Variants in TIE1 observed in about 807,000 individuals in gnomAD.
The protein encoded by TIE1 is tyrosine-protein kinase receptor Tie-1.
Under a neutral mutation model 130.5 loss-of-function variants are expected in TIE1, and 89 were observed. That is an observed-to-expected ratio of 0.68 (90% CI 0.57 to 0.81). TIE1 has a LOEUF of 0.81. TIE1 is among the 40% of genes least tolerant of loss of function. TIE1 has a pLI of 0.00. For missense variants in TIE1, 1,392 were observed against 1,559.8 expected, an observed-to-expected ratio of 0.89 and a Z score of 1.81; for synonymous variants, 568 against 629.4, an observed-to-expected ratio of 0.90 and a Z score of 1.46.
intron 19 of TIE1, 96 bp from the exon 20 acceptor site, chr1:43,321,173 C>T (rs1444310382): frequency 3.7e-5 from 48 of 1,283,872 alleles, no homozygotes; most frequent in South Asian, 3.7e-4. Context: ...ACACATACAG[C>T]GGGGCTGGGA....
At position 43,319,167 on chromosome 1, in the gene TIE1, C is replaced by T. The variant is rs1054199975; in HGVS notation, c.2923-68C>T. On this transcript the variant is annotated intron_variant, in intron 17 of 22. Transcript: ENST00000372476. The surrounding 1 kb of genome is among the most constrained non-coding windows in gnomAD (Gnocchi z 4.7). ...ACAAGGGTACCCACGAAGACTGACT[C>T]CTTACTGGCCTGACTGTCCTGGGCT... 1.7e-6 allele frequency: 2 copies of T among 1,178,672 alleles called. No individual in the cohort carries two copies. The highest frequency in any genetic ancestry group is 2.6e-6 in the Non-Finnish European group (2 of 784,162). 73.0% of individuals were successfully genotyped at this position (1,178,672 alleles called of 1,614,324 possible).
Position 43,307,319 on chromosome 1 carries a change from C to A in TIE1, c.772+46C>A, listed in dbSNP as rs1378250936. 1 of 1,613,646 alleles carries A rather than the reference C, an allele frequency of 6.2e-7. No individual in the cohort carries two copies. Among genetic ancestry groups the A allele is most frequent in the Non-Finnish European group, 8.5e-7 (1 of 1,179,870 alleles). On this transcript the variant is annotated intron_variant, in intron 5 of 22. Transcript: ENST00000372476. This position sits in a 1 kb window ranked among gnomAD's most constrained non-coding sequence, Gnocchi z 5.4. ...GACCCAGGCAGGAGAGGATCCCTGACTGGGAGAAGACCCTAGAACCATGTG... is the reference window on the plus strand; with the variant it reads ...GACCCAGGCAGGAGAGGATCCCTGAATGGGAGAAGACCCTAGAACCATGTG...
chr1:43,309,366 C>A lies in TIE1; in HGVS notation c.1189-22C>A. On this transcript the variant is annotated intron_variant, in intron 8 of 22. Coordinates refer to ENST00000372476, the MANE Select transcript of TIE1 (RefSeq NM_005424.5). The surrounding 1 kb of genome is among the most constrained non-coding windows in gnomAD (Gnocchi z 6.3). ...GAGGTGCCCGTTCCCTGTGACCTGT[C>A]CCCTTCCCCCATCTCTTTTAGTCCA... 6.4e-7 allele frequency: 1 copy of A among 1,567,846 alleles called. No individual in the cohort carries two copies. Among genetic ancestry groups the A allele is most frequent in the Non-Finnish European group, 8.6e-7 (1 of 1,159,804 alleles).
In TIE1 at chr1:43,307,588, C is replaced by A. The variant is rs1243189429; in HGVS notation, c.913+16C>A. ...TGCCAAGAAGGTATGCCTAACCTAC[C>A]CTCATGGTCCCTGACCAAGACAGCT... On this transcript the variant is annotated intron_variant, in intron 6 of 22. Transcript: ENST00000372476. This position sits in a 1 kb window ranked among gnomAD's most constrained non-coding sequence, Gnocchi z 5.4. The A allele has an allele frequency of 1.2e-6, 2 of 1,613,924 alleles. No homozygotes were observed. Among genetic ancestry groups the A allele is most frequent in the Admixed American group, 1.7e-5 (1 of 60,026 alleles).
At position 43,313,362 on chromosome 1, in the gene TIE1, C is replaced by A. The variant is rs376014176; in HGVS notation, c.2155C>A (p.Arg719=). The change falls in exon 13 of 23, where the codon CGG becomes AGG. Residue 719 remains arginine, a synonymous_variant. Coordinates refer to ENST00000372476, the MANE Select transcript of TIE1 (RefSeq NM_005424.5). This position sits in a 1 kb window ranked among gnomAD's most constrained non-coding sequence, Gnocchi z 6.2. ...CAGCACGCGCTACCTCTTCCGCATGCGGGCCAGCATTCAGGGGCTCGGGGA... is the reference window on the plus strand; with the variant it reads ...CAGCACGCGCTACCTCTTCCGCATGAGGGCCAGCATTCAGGGGCTCGGGGA... ...NASTRYLFRM[R]ASIQGLGDWS... 1 of 1,613,902 alleles carries A rather than the reference C, an allele frequency of 6.2e-7. No individual in the cohort carries two copies. Among genetic ancestry groups the A allele is most frequent in the African/African-American group, 1.3e-5 (1 of 74,882 alleles).
chr1:43,310,596 C>T (rs2153911522), intron 9 of TIE1, among the ~76,000 whole-genome samples: 1 of 152,270 alleles, frequency 6.6e-6, no homozygotes, highest in East Asian at 1.9e-4. Flanking sequence ...GCAGCCAGGA[C>T]CCCTCTTCTG....
At chr1:43,311,156 C>G (rs1557446262) in intron 9 of TIE1, among the ~76,000 whole-genome samples, 1 of 152,096 alleles carries the variant, frequency 6.6e-6, no homozygotes, top group African/African-American at 2.4e-5. Flanking sequence ...TGTCCTTAGG[C>G]AAGTTATTCG....
rs1196686897 is a variant in TIE1, at chr1:43,312,239, G to A, written c.1631-66G>A. 5 of 1,512,358 alleles carry A rather than the reference G, an allele frequency of 3.3e-6. No individual in the cohort carries two copies. The highest frequency in any genetic ancestry group is 2.7e-5 in the South Asian group (2 of 74,488). 93.7% of individuals were successfully genotyped at this position (1,512,358 alleles called of 1,614,324 possible). A position where few individuals can be genotyped will look rare whatever the true frequency, so the allele number is the denominator to read the frequency against. ...GAGGTTGTTCTTCCTTGTTCACTGG[G>A]GATCATTGTCCTGTCCAGCCCCAAG... On this transcript the variant is annotated intron_variant, in intron 11 of 22. Coordinates refer to ENST00000372476, the MANE Select transcript of TIE1 (RefSeq NM_005424.5). The surrounding 1 kb of genome is among the most constrained non-coding windows in gnomAD (Gnocchi z 5.6).
At position 43,312,859 on chromosome 1, in the gene TIE1, G is replaced by T. The variant is rs986896385; in HGVS notation, c.1927+258G>T. ...GTCAGGGTTCATGGCGAGAACCAGG[G>T]TCATGGGAGGGCATGAGACTTGCGG... On this transcript the variant is annotated intron_variant, in intron 12 of 22. Coordinates refer to ENST00000372476, the MANE Select transcript of TIE1 (RefSeq NM_005424.5). This position sits in a 1 kb window ranked among gnomAD's most constrained non-coding sequence, Gnocchi z 5.6. Among the ~76,000 whole-genome samples the T allele has an allele frequency of 2.0e-5, 3 of 152,100 alleles. No individual in the cohort carries two copies. Among genetic ancestry groups the T allele is most frequent in the Non-Finnish European group, 4.4e-5 (3 of 67,990 alleles).
intron 9 of TIE1, among the ~76,000 whole-genome samples, chr1:43,310,153 T>C (rs1378329753): frequency 1.3e-5 from 2 of 151,980 alleles, no homozygotes; most frequent in Non-Finnish European, 2.9e-5. Flanking sequence ...TGCCACCCCA[T>C]GTAAGCCCCC....
At position 43,316,719 on chromosome 1, in the gene TIE1, C is replaced by A. The variant is rs558556668; in HGVS notation, c.2410-480C>A. ...CTCAATAAATGTCCCCTGGCCTACT[C>A]CCTAAGGCTGGAATCTTCTCCAGAG... On this transcript the variant is annotated intron_variant, in intron 14 of 22. Transcript: ENST00000372476. This position sits in a 1 kb window ranked among gnomAD's most constrained non-coding sequence, Gnocchi z 4.4. 3.0e-4 allele frequency among the ~76,000 whole-genome samples: 45 copies of A among 152,260 alleles called. 1 individual carries two copies. Among genetic ancestry groups the A allele is most frequent in the Admixed American group, 2.9e-3 (44 of 15,288 alleles).
chr1:43,312,196 C>T lies in TIE1; in HGVS notation c.1630+65C>T, dbSNP rs913017620. On this transcript the variant is annotated intron_variant, in intron 11 of 22. Transcript: ENST00000372476. This position sits in a 1 kb window ranked among gnomAD's most constrained non-coding sequence, Gnocchi z 5.6. ...GTTACTTTCCCGTCGACCCCAGGGA[C>T]CCCTGCCTTTCCCACTGGAGGTTGT... 3 of 1,513,318 alleles carry T rather than the reference C, an allele frequency of 2.0e-6. No individual in the cohort carries two copies. Among genetic ancestry groups the T allele is most frequent in the Non-Finnish European group, 2.7e-6 (3 of 1,130,848 alleles). 93.7% of individuals were successfully genotyped at this position (1,513,318 alleles called of 1,614,324 possible).
Position 43,305,101 on chromosome 1 carries a change from C to T in TIE1, c.309C>T (p.Phe103=), listed in dbSNP as rs1323889484. The T allele has an allele frequency of 6.2e-7, 1 of 1,613,210 alleles. No individual in the cohort carries two copies. The highest frequency in any genetic ancestry group is 8.5e-7 in the Non-Finnish European group (1 of 1,179,636). ...AGCCCTCGGACCTCGTGGGCGTCTT[C>T]TCCTGCGTGGGCGGTGCTGGGGCGC... ...FSKPSDLVGV[F]SCVGGAGARR... is the part of the protein sequence containing the mutation. Residue 103 remains phenylalanine (F), a synonymous_variant, in exon 2 of 23, where the codon TTC becomes TTT. Transcript: ENST00000372476.
Position 43,305,092 on chromosome 1 carries a change from G to A in TIE1, c.300G>A (p.Val100=). The A allele has an allele frequency of 6.2e-7, 1 of 1,612,860 alleles. No individual in the cohort carries two copies. The highest frequency in any genetic ancestry group is 8.5e-7 in the Non-Finnish European group (1 of 1,179,372). Residue 100 remains valine, a synonymous_variant, in exon 2 of 23, where the codon GTG becomes GTA. Coordinates refer to ENST00000372476, the MANE Select transcript of TIE1 (RefSeq NM_005424.5). ...LRGFSKPSDL[V]GVFSCVGGAG... The stretch of plus-strand genomic sequence containing the variant: ...GCTTCTCCAAGCCCTCGGACCTCGT[G>A]GGCGTCTTCTCCTGCGTGGGCGGTG...
intron 14 of TIE1, chr1:43,314,511 A>G (rs1646840183): frequency 1.0e-6 from 1 of 1,001,532 alleles, no homozygotes; most frequent in African/African-American, 1.7e-5. Flanking sequence ...CATTCTTGCA[A>G]ATCCCAGGGC....
In TIE1 at chr1:43,312,165, C is replaced by G. The variant is rs374467123; in HGVS notation, c.1630+34C>G. 1.5e-5 allele frequency: 22 copies of G among 1,516,618 alleles called. No individual in the cohort carries two copies. The highest frequency in any genetic ancestry group is 1.8e-4 in the Middle Eastern group (1 of 5,584). The allele number at this position is 1,516,618 out of a possible 1,614,324, so 93.9% of individuals were successfully genotyped here. On this transcript the variant is annotated intron_variant, in intron 11 of 22. Transcript: ENST00000372476. This position sits in a 1 kb window ranked among gnomAD's most constrained non-coding sequence, Gnocchi z 5.6. ...CCAAGAGTCATCCCTTCCTGTCCCC[C>G]CAAGGGTTACTTTCCCGTCGACCCC... is the stretch of plus-strand genomic sequence containing the variant.
rs1183224992 is a variant in TIE1 at position 43,313,994 on chromosome 1, T to C, written c.2409+26T>C. The C allele has an allele frequency of 6.2e-7, 1 of 1,612,858 alleles. No individual in the cohort carries two copies. On this transcript the variant is annotated intron_variant, in intron 14 of 22. Transcript: ENST00000372476. This position sits in a 1 kb window ranked among gnomAD's most constrained non-coding sequence, Gnocchi z 6.2. ...GTCAGTGACCCGCCCCGCCCCTGGG[T>C]GCATGCTTGCAGCCCGTGTTTATGT...
chr1:43,301,509 G>A (rs945548997), intron 1 of TIE1, among the ~76,000 whole-genome samples: 17 of 152,018 alleles, frequency 1.1e-4, no homozygotes, highest in Non-Finnish European at 1.9e-4. Context: ...GATGGATGGT[G>A]GTGATGGTGG....
At chr1:43,308,877 G>A (rs1447622093) in intron 7 of TIE1, 109 bp from the exon 8 acceptor site, 1 of 1,487,032 alleles carries the variant, frequency 6.7e-7, no homozygotes, top group African/African-American at 1.4e-5. Flanking sequence ...TCAGGCTGGA[G>A]GGACTGGGTA....
Sources: allele counts gnomAD v4.1 joint callset (sites outside exome capture counted in the v4.1 genomes callset), GRCh38; gene constraint gnomAD v4.1.1; non-coding constraint Gnocchi (gnomAD v3.1); transcripts MANE v1.5; gene names NCBI Gene and HGNC (gene_info 2026-07-23, HGNC 2026-07-21).